The following SVIL variants were observed in gnomAD, a reference collection of about 807,000 sequenced individuals.
SVIL encodes supervillin, also known as archvillin.
In SVIL, 101 loss-of-function variants were observed where a neutral mutation model predicts 240.4. That is an observed-to-expected ratio of 0.42 (90% confidence interval 0.36 to 0.50). The LOEUF is 0.50. Among genes scored for constraint, SVIL ranks in the 20% least tolerant of loss-of-function variants. The pLI is 0.01. For synonymous variants in SVIL, 999 were observed against 1,100.0 expected (o/e 0.91, Z 1.82); for missense variants, 2,512 against 2,818.7 (o/e 0.89, Z 2.46).
At chr10:29,473,726 C>G in intron 30 of SVIL, 112 bp downstream of exon 30, 1 of 1,425,226 alleles carries the variant, frequency 7.0e-7, no homozygotes, top group Non-Finnish European at 9.6e-7. Flanking sequence ...CTTTGGGTGA[C>G]GTGGTCTTCC....
At chr10:29,641,087 C>G (rs1958470857) in intron 3 of SVIL, among the ~76,000 whole-genome samples, 1 of 152,004 alleles carries the variant, frequency 6.6e-6, no homozygotes, top group Admixed American at 6.6e-5. Context: ...CAGATCCTGG[C>G]CCATATGGCA....
intron 18 of SVIL, among the ~76,000 whole-genome samples, chr10:29,498,307 A>G (rs1426517930): frequency 1.3e-5 from 2 of 151,940 alleles, no homozygotes; most frequent in East Asian, 3.9e-4. Flanking sequence ...AATCCCAGCT[A>G]CTTGGGGGGC....
At chr10:29,718,147 G>A (rs1460293910) in intron 1 of SVIL, among the ~76,000 whole-genome samples, 4 of 152,052 alleles carry the variant, frequency 2.6e-5, no homozygotes, top group Non-Finnish European at 5.9e-5. Flanking sequence ...CTAACATGGT[G>A]AAATCCCGTT....
chr10:29,460,680 GGGCAGAT>G (rs1353252005), intron 36 of SVIL, among the ~76,000 whole-genome samples: 1 of 152,158 alleles, frequency 6.6e-6, no homozygotes, highest in East Asian at 1.9e-4. Flanking sequence ...AGGCTGAGGT[GGGCAGAT>G]GGCTTGAGCT....
At chr10:29,655,984 C>A (rs1958991372) in intron 3 of SVIL, among the ~76,000 whole-genome samples, 1 of 151,322 alleles carries the variant, frequency 6.6e-6, no homozygotes, top group African/African-American at 2.4e-5. Context: ...GCTTCTCCTG[C>A]CTCAGCCTCC....
chr10:29,586,966 A>G (rs1001518314), intron 1 of SVIL, among the ~76,000 whole-genome samples: 1 of 152,204 alleles, frequency 6.6e-6, no homozygotes, highest in African/African-American at 2.4e-5. Flanking sequence ...CTGGGTGATG[A>G]AATAATCTCT....
intron 1 of SVIL, among the ~76,000 whole-genome samples, chr10:29,584,375 G>C (rs371723780): frequency 6.6e-6 from 1 of 152,192 alleles, no homozygotes; most frequent in East Asian, 1.9e-4. Context: ...CTGGAGATTC[G>C]TTCCTTATCT....
At chr10:29,582,247 T>C (rs1303980648) in intron 1 of SVIL, among the ~76,000 whole-genome samples, 1 of 152,144 alleles carries the variant, frequency 6.6e-6, no homozygotes, top group Admixed American at 6.5e-5. Flanking sequence ...CAATCTACAA[T>C]AAAATGTACA....
intron 1 of SVIL, among the ~76,000 whole-genome samples, chr10:29,579,036 T>C (rs1048358558): frequency 6.6e-6 from 1 of 152,238 alleles, no homozygotes; most frequent in Non-Finnish European, 1.5e-5. Context: ...TATTATGCTC[T>C]ATTTCACCTA....
chr10:29,660,501 G>A (rs939094608), intron 2 of SVIL, among the ~76,000 whole-genome samples: 2 of 152,146 alleles, frequency 1.3e-5, no homozygotes, highest in African/African-American at 4.8e-5. Flanking sequence ...CCAGCTACTA[G>A]GGAGGCTGAG....
intron 3 of SVIL, among the ~76,000 whole-genome samples, chr10:29,560,110 C>A (rs902120518): frequency 6.6e-6 from 1 of 152,188 alleles, no homozygotes; most frequent in Admixed American, 6.5e-5. Flanking sequence ...AGAGCCCAGG[C>A]CAGATTTGGA....
rs1443314976 is a variant in SVIL, at chr10:29,491,164, G to C, written c.4020-145C>G. On this transcript the variant is annotated intron_variant, in intron 21 of 37. Coordinates refer to ENST00000355867, the MANE Select transcript of SVIL (RefSeq NM_021738.3). ...CCCACCGCCACTCCCCTGACATGGA[G>C]TCGTAGAATCTTGGAGATGGAAGAG... The C allele has an allele frequency of 8.4e-6, 8 of 948,946 alleles. No homozygotes were observed. In the East Asian group the frequency reaches 2.1e-4, roughly 25 times the overall value. The allele number at this position is 948,946 out of a possible 1,614,324, so 58.8% of individuals were successfully genotyped here.
At chr10:29,583,006 G>A (rs972291485) in intron 1 of SVIL, among the ~76,000 whole-genome samples, 2 of 152,070 alleles carry the variant, frequency 1.3e-5, no homozygotes, top group African/African-American at 4.8e-5. Flanking sequence ...CAGAAAGCAG[G>A]GAAACACTGA....
Position 29,522,463 on chromosome 10 carries a change from C to T in SVIL, c.3336G>A (p.Pro1112=), listed in dbSNP as rs146267453. 13 of 1,614,060 alleles carry T rather than the reference C, an allele frequency of 8.1e-6. No homozygotes were observed. The highest frequency in any genetic ancestry group is 9.3e-6 in the Non-Finnish European group (11 of 1,180,030). Residue 1112 remains proline, a synonymous_variant, in exon 16 of 38, where the codon CCG becomes CCA. Coordinates refer to ENST00000355867, the MANE Select transcript of SVIL (RefSeq NM_021738.3). ...GTGAGTCAAGAAGGCCCTCCCCTGTCGGCGTTTTGATCTCTCCAGCAGCAA... is the reference window on the plus strand; with the variant it reads ...GTGAGTCAAGAAGGCCCTCCCCTGTTGGCGTTTTGATCTCTCCAGCAGCAA... ...AMFAAGEIKT[P]TGEGLLDSPS...
chr10:29,534,492 G>T (rs1328324), intron 7 of SVIL, among the ~76,000 whole-genome samples: 1 of 152,180 alleles, frequency 6.6e-6, no homozygotes, highest in South Asian at 2.1e-4. Context: ...AACAGAGAGA[G>T]GCTCTGTCCC....
chr10:29,532,565 A>G lies in SVIL; in HGVS notation c.1802T>C (p.Phe601Ser). ...KVSVAQLRSA[F>S]LASANACRRP... ...CCTGCAGGCGTTGGCAGATGCCAGGAACGCACTTCGGAGCTGGGCGACAGA... is the reference window on the plus strand; with the variant it reads ...CCTGCAGGCGTTGGCAGATGCCAGGGACGCACTTCGGAGCTGGGCGACAGA... Residue 601 changes from phenylalanine to serine, a missense_variant, in exon 8 of 38, where the codon TTC becomes TCC. Transcript: ENST00000355867. The G allele has an allele frequency of 6.2e-7, 1 of 1,612,526 alleles. No individual in the cohort carries two copies. The highest frequency in any genetic ancestry group is 8.5e-7 in the Non-Finnish European group (1 of 1,178,644).
chr10:29,536,135 C>G (rs1951727527), intron 6 of SVIL, 66 bp from the exon 7 acceptor site: 1 of 1,477,158 alleles, frequency 6.8e-7, no homozygotes, highest in African/African-American at 1.4e-5. Context: ...ACAGACTTTA[C>G]CATAACTTAA....
At chr10:29,687,600 G>C (rs1056322718) in intron 1 of SVIL, among the ~76,000 whole-genome samples, 2 of 152,224 alleles carry the variant, frequency 1.3e-5, no homozygotes, top group African/African-American at 4.8e-5. Context: ...CTTCAATCTG[G>C]GAAGGGAGGT....
intron 1 of SVIL, among the ~76,000 whole-genome samples, chr10:29,590,723 G>T (rs537446245): frequency 2.5e-4 from 38 of 152,268 alleles, no homozygotes; most frequent in African/African-American, 9.1e-4. Context: ...CTTGAAATAT[G>T]CTGAAATACC....
Sources: gnomAD v4.1 joint callset for allele counts (sites outside exome capture counted in the v4.1 genomes callset) on GRCh38, gnomAD v4.1.1 for gene constraint, MANE v1.5 for transcripts, NCBI Gene and HGNC (gene_info 2026-07-23, HGNC 2026-07-21) for gene names.